STX18: variants seen among roughly 807,000 people sequenced by gnomAD.
STX18 encodes the protein syntaxin-18.
A neutral mutation model predicts 50.1 loss-of-function variants in STX18; 40 were observed. That is an observed-to-expected ratio of 0.80 (90% confidence interval 0.62 to 1.04). The LOEUF (loss-of-function observed/expected upper bound fraction) is 1.04, where lower values mean the gene tolerates loss of function less well. Ranked by LOEUF, STX18 falls within the 50% of genes least tolerant of loss-of-function variation. The probability of loss-of-function intolerance (pLI) is 0.00; values close to 1 mark genes in which losing one functional copy is unlikely to be tolerated. For synonymous variants in STX18, 158 were observed against 151.8 expected, an observed-to-expected ratio of 1.04 and a Z score of -0.30; for missense variants, 410 against 415.8, an observed-to-expected ratio of 0.99 and a Z score of 0.12.
At chr4:4,463,609 C>A (rs993779033) in intron 2 of STX18, among the ~76,000 whole-genome samples, 2 of 152,146 alleles carry the variant, frequency 1.3e-5, no homozygotes, top group African/African-American at 4.8e-5. Context: ...TTACAACCAC[C>A]TCGTCAACCT....
intron 6 of STX18, chr4:4,437,692 C>G: frequency 1.1e-6 from 1 of 897,150 alleles, no homozygotes; most frequent in Non-Finnish European, 1.3e-6. Context: ...CAGGTCTCTC[C>G]TGGCTCCAGC....
chr4:4,530,725 C>T (rs568387010), intron 1 of STX18, among the ~76,000 whole-genome samples: 6 of 152,308 alleles, frequency 3.9e-5, no homozygotes, highest in African/African-American at 1.4e-4. Context: ...CCCACCTCAG[C>T]CTCCCGGGTA....
intron 5 of STX18, among the ~76,000 whole-genome samples, chr4:4,454,940 A>C (rs1363040422): frequency 1.3e-5 from 2 of 152,256 alleles, no homozygotes; most frequent in African/African-American, 4.8e-5. Context: ...AACATTTATT[A>C]ACTCACTGTA....
At chr4:4,512,578 G>C (rs1169008127) in intron 1 of STX18, among the ~76,000 whole-genome samples, 1 of 152,152 alleles carries the variant, frequency 6.6e-6, no homozygotes, top group South Asian at 2.1e-4. Context: ...TGATTAACAA[G>C]CACACCATAG....
At chr4:4,465,982 T>C (rs1033221146) in intron 2 of STX18, among the ~76,000 whole-genome samples, 2 of 152,094 alleles carry the variant, frequency 1.3e-5, no homozygotes, top group Non-Finnish European at 2.9e-5. Flanking sequence ...GATTAATGAA[T>C]CAAATTGATC....
rs980012753 is a variant in STX18 at position 4,435,261 on chromosome 4, A to T, written c.614-403T>A. 3.3e-5 allele frequency among the ~76,000 whole-genome samples: 5 copies of T among 152,316 alleles called. No individual in the cohort carries two copies. The Middle Eastern group carries it at 0.014, about 414-fold the overall frequency. The stretch of plus-strand genomic sequence containing the variant: ...AGACTGTAAGACATATTTTTATTGT[A>T]AAAAATACATATGCATATATACATA... On this transcript the variant is annotated intron_variant, in intron 6 of 10. Coordinates refer to ENST00000306200, the MANE Select transcript of STX18 (RefSeq NM_016930.4).
At chr4:4,504,834 A>G (rs915643131) in intron 1 of STX18, among the ~76,000 whole-genome samples, 12 of 152,206 alleles carry the variant, frequency 7.9e-5, no homozygotes, top group Admixed American at 2.6e-4. Context: ...AATAACTAGA[A>G]TTCTCATACA....
intron 5 of STX18, among the ~76,000 whole-genome samples, chr4:4,442,994 T>C (rs747889008): frequency 6.6e-6 from 1 of 152,180 alleles, no homozygotes; most frequent in Non-Finnish European, 1.5e-5. Flanking sequence ...TCTTGCCTAC[T>C]GGGACTGGTG....
intron 7 of STX18, among the ~76,000 whole-genome samples, chr4:4,430,587 G>A (rs187798894): frequency 7.0e-4 from 106 of 152,320 alleles, no homozygotes; most frequent in African/African-American, 2.2e-3. Flanking sequence ...TACTGGGAGT[G>A]GCCGCTGGTG....
At chr4:4,460,876 C>T (rs1727342347) in intron 2 of STX18, among the ~76,000 whole-genome samples, 1 of 152,186 alleles carries the variant, frequency 6.6e-6, no homozygotes, top group African/African-American at 2.4e-5. Flanking sequence ...CCACCTCCAA[C>T]ACCAGATGAA....
At chr4:4,533,042 T>G (rs1731173058) in intron 1 of STX18, among the ~76,000 whole-genome samples, 1 of 152,226 alleles carries the variant, frequency 6.6e-6, no homozygotes, top group South Asian at 2.1e-4. Flanking sequence ...AACTTTAGTA[T>G]TCATAGTCTT....
intron 1 of STX18, among the ~76,000 whole-genome samples, chr4:4,533,839 A>G (rs1198669536): frequency 6.6e-6 from 1 of 152,190 alleles, no homozygotes; most frequent in African/African-American, 2.4e-5. Context: ...TCTTTGACAC[A>G]CTCCAGATTC....
intron 1 of STX18, among the ~76,000 whole-genome samples, chr4:4,489,391 ATTTTTTTTTTTTTT>A (rs34563523): frequency 2.6e-3 from 132 of 51,674 alleles, no homozygotes; most frequent in Admixed American, 6.7e-3. Flanking sequence ...ATGCAAAATA[ATTTTTTTTTTTTTT>A]TTTTTTTTTT....
intron 1 of STX18, among the ~76,000 whole-genome samples, chr4:4,536,329 C>G (rs2108930995): frequency 6.6e-6 from 1 of 152,300 alleles, no homozygotes; most frequent in South Asian, 2.1e-4. Flanking sequence ...GTTCTAGAAG[C>G]TACAGATTCA....
At position 4,508,475 on chromosome 4, in the gene STX18, G is replaced by A. The variant is rs151316626; in HGVS notation, c.168+33322C>T. Among the ~76,000 whole-genome samples the A allele has an allele frequency of 7.1e-3, 1,088 of 152,252 alleles. 4 individuals are homozygous for A. Among genetic ancestry groups the A allele is most frequent in the Non-Finnish European group, 0.013 (860 of 68,014 alleles). On this transcript the variant is annotated intron_variant, in intron 1 of 10. Transcript: ENST00000306200. ...AGTTTGTTACTTGGAGACCAGGAGTGCCAGATTCTAAAATGTCAGGATTAT... is the reference window on the plus strand; with the variant it reads ...AGTTTGTTACTTGGAGACCAGGAGTACCAGATTCTAAAATGTCAGGATTAT...
At chr4:4,505,324 G>A (rs1489756489) in intron 1 of STX18, among the ~76,000 whole-genome samples, 2 of 152,308 alleles carry the variant, frequency 1.3e-5, no homozygotes, top group East Asian at 3.9e-4. Flanking sequence ...TTTACCTACA[G>A]TTGAACAAAA....
At chr4:4,495,707 T>A (rs980265297) in intron 1 of STX18, among the ~76,000 whole-genome samples, 9 of 148,696 alleles carry the variant, frequency 6.1e-5, no homozygotes, top group Non-Finnish European at 1.2e-4. Context: ...ACAAAGATAA[T>A]CTTGTATTAG....
At chr4:4,475,430 T>C (rs991976341) in intron 1 of STX18, among the ~76,000 whole-genome samples, 2 of 151,736 alleles carry the variant, frequency 1.3e-5, no homozygotes, top group African/African-American at 2.4e-5. Context: ...CTTTAGAAAT[T>C]TGAGAGCTCT....
At chr4:4,503,967 T>C (rs1180478551) in intron 1 of STX18, among the ~76,000 whole-genome samples, 1 of 152,176 alleles carries the variant, frequency 6.6e-6, no homozygotes, top group Non-Finnish European at 1.5e-5. Flanking sequence ...GATTAATAGA[T>C]ACATATGAGC....
Sources: gnomAD v4.1 joint callset for allele counts (sites outside exome capture counted in the v4.1 genomes callset) on GRCh38, gnomAD v4.1.1 for gene constraint, MANE v1.5 for transcripts, NCBI Gene and HGNC (gene_info 2026-07-23, HGNC 2026-07-21) for gene names.